Variants in HIVEP3 observed in about 807,000 individuals in gnomAD.
HIVEP3 encodes the protein transcription factor HIVEP3.
A neutral mutation model predicts 152.8 loss-of-function variants in HIVEP3; 49 were observed. The ratio of observed to expected loss-of-function variants is 0.32; its 90% CI spans 0.26 to 0.41. The LOEUF (loss-of-function observed/expected upper bound fraction) is 0.41. Ranked by LOEUF, HIVEP3 falls within the 10% of genes least tolerant of loss-of-function variation. The pLI is 1.00. For missense variants in HIVEP3, 2,790 were observed against 3,103.3 expected (o/e 0.90, Z 2.40); for synonymous variants, 1,269 against 1,289.0 (o/e 0.98, Z 0.33).
chr1:41,981,450 C>T (rs1412879153), intron 1 of HIVEP3, among the ~76,000 whole-genome samples: 1 of 152,042 alleles, frequency 6.6e-6, no homozygotes, highest in Non-Finnish European at 1.5e-5. Context: ...GGTGGGGAGG[C>T]TCAGGGTGTG....
At chr1:41,742,890 G>A (rs1456641467) in intron 1 of HIVEP3, among the ~76,000 whole-genome samples, 2 of 152,166 alleles carry the variant, frequency 1.3e-5, no homozygotes, top group African/African-American at 4.8e-5. Context: ...GGGCCCCTAG[G>A]TTTCATATCC....
chr1:41,620,115 G>T (rs767975131), intron 3 of HIVEP3, among the ~76,000 whole-genome samples: 1 of 152,150 alleles, frequency 6.6e-6, no homozygotes, highest in Non-Finnish European at 1.5e-5. Context: ...GAGGACAAAG[G>T]CTTGGGAGCA....
chr1:41,532,820 T>TGG (rs964947415), intron 5 of HIVEP3, among the ~76,000 whole-genome samples: 4 of 152,000 alleles, frequency 2.6e-5, no homozygotes, highest in Non-Finnish European at 5.9e-5. Flanking sequence ...CAGAAATCAG[T>TGG]GGGACTGAGA....
chr1:41,824,483 C>T (rs762765684), intron 1 of HIVEP3, among the ~76,000 whole-genome samples: 11 of 151,920 alleles, frequency 7.2e-5, no homozygotes, highest in Non-Finnish European at 8.8e-5. Context: ...GTAAGTGGTC[C>T]GGACCCCAGC....
chr1:41,794,091 C>T (rs541795564), intron 1 of HIVEP3, among the ~76,000 whole-genome samples: 2 of 152,220 alleles, frequency 1.3e-5, no homozygotes, highest in East Asian at 1.9e-4. Flanking sequence ...AAGACATACC[C>T]GAGACTGGGT....
intron 5 of HIVEP3, among the ~76,000 whole-genome samples, chr1:41,527,696 TCA>T (rs576518621): frequency 9.9e-6 from 1 of 100,572 alleles, no homozygotes; most frequent in Non-Finnish European, 2.0e-5. Flanking sequence ...ATGCTCACCC[TCA>T]CACACCCCCA....
At position 41,591,780 on chromosome 1, in the gene HIVEP3, A is replaced by T. The variant is rs181296092; in HGVS notation, c.-521-6462T>A. ...TCTAGCCTCGATTACTGCCAAATAG[A>T]AGAGTCACATGAGCACATTCCTGTC... On this transcript the variant is annotated intron_variant, in intron 3 of 8. Transcript: ENST00000372583. Among the ~76,000 whole-genome samples, 302 of 152,194 alleles carry T rather than the reference A, an allele frequency of 2.0e-3. 3 individuals are homozygous for T. The highest frequency in any genetic ancestry group is 3.6e-3 in the Non-Finnish European group (247 of 67,996).
intron 1 of HIVEP3, among the ~76,000 whole-genome samples, chr1:41,787,171 TA>T (rs1558268572): frequency 6.6e-6 from 1 of 152,118 alleles, no homozygotes. Context: ...GTAATAACCA[TA>T]AAAAACTATG....
chr1:41,885,267 T>C (rs1474297408), intron 1 of HIVEP3, among the ~76,000 whole-genome samples: 1 of 152,092 alleles, frequency 6.6e-6, no homozygotes, highest in Non-Finnish European at 1.5e-5. Flanking sequence ...CGTTTCCTGC[T>C]CTCCAGCCCC....
chr1:41,869,845 G>A (rs551985955), intron 1 of HIVEP3, among the ~76,000 whole-genome samples: 33 of 152,094 alleles, frequency 2.2e-4, no homozygotes, highest in Non-Finnish European at 4.0e-4. Context: ...GAAAATTTTT[G>A]TAGAACAAAA....
intron 1 of HIVEP3, among the ~76,000 whole-genome samples, chr1:41,841,563 T>TG (rs1643289288): frequency 6.6e-6 from 1 of 152,100 alleles, no homozygotes; most frequent in African/African-American, 2.4e-5. Flanking sequence ...CACTTTAAAA[T>TG]GGGGGAGAGG....
chr1:41,703,925 C>A (rs1465217369), intron 1 of HIVEP3, among the ~76,000 whole-genome samples: 1 of 152,176 alleles, frequency 6.6e-6, no homozygotes, highest in Non-Finnish European at 1.5e-5. Context: ...CACCAACTGG[C>A]AGTAAATGTG....
At chr1:41,719,323 T>A (rs1425939869) in intron 1 of HIVEP3, among the ~76,000 whole-genome samples, 1 of 152,208 alleles carries the variant, frequency 6.6e-6, no homozygotes, top group Admixed American at 6.5e-5. Context: ...CTCTTACAGG[T>A]TAGATGGAAG....
At chr1:41,643,263 G>C (rs138559433) in intron 2 of HIVEP3, among the ~76,000 whole-genome samples, 1,636 of 152,294 alleles carry the variant, frequency 0.011, 34 homozygotes, top group African/African-American at 0.038. Flanking sequence ...GAAGGTGCTG[G>C]AGTGTCTCTC....
intron 1 of HIVEP3, among the ~76,000 whole-genome samples, chr1:41,871,899 C>A (rs58744058): frequency 0.024 from 3,682 of 152,258 alleles, 159 homozygotes; most frequent in African/African-American, 0.085. Context: ...TCTCTTTATA[C>A]TGAGTCATTT....
chr1:41,602,379 G>T (rs1214510234), intron 3 of HIVEP3, among the ~76,000 whole-genome samples: 1 of 152,032 alleles, frequency 6.6e-6, no homozygotes, highest in Non-Finnish European at 1.5e-5. Flanking sequence ...CTGGTCCTGG[G>T]CTTTTCCTTG....
intron 1 of HIVEP3, among the ~76,000 whole-genome samples, chr1:42,035,638 G>A (rs1645638362): frequency 1.3e-5 from 2 of 151,970 alleles, no homozygotes; most frequent in Non-Finnish European, 2.9e-5. Flanking sequence ...GAGGGGGCCG[G>A]CGCCCGGAGG....
chr1:41,646,566 G>A (rs1357873139), intron 2 of HIVEP3, among the ~76,000 whole-genome samples: 1 of 152,168 alleles, frequency 6.6e-6, no homozygotes, highest in African/African-American at 2.4e-5. Context: ...AAGGGTCTAT[G>A]ACCACTTTCT....
chr1:41,682,269 C>A (rs1646050839), intron 2 of HIVEP3, among the ~76,000 whole-genome samples: 1 of 152,196 alleles, frequency 6.6e-6, no homozygotes. Flanking sequence ...TCTCTGAGCA[C>A]CTCCACAGGT....
Sources: gnomAD v4.1 joint callset for allele counts (sites outside exome capture counted in the v4.1 genomes callset) on GRCh38, gnomAD v4.1.1 for gene constraint, MANE v1.5 for transcripts, NCBI Gene and HGNC (gene_info 2026-07-23, HGNC 2026-07-21) for gene names.